Variants in SGCZ observed in about 807,000 individuals in gnomAD.
The protein encoded by SGCZ is sarcoglycan zeta.
A neutral mutation model predicts 41.3 loss-of-function variants in SGCZ; 40 were observed. The ratio of observed to expected loss-of-function variants is 0.97; its 90% confidence interval spans 0.75 to 1.26. The LOEUF is 1.26. SGCZ is among the 50% of genes most tolerant of loss of function. SGCZ has a pLI of 0.00. For synonymous variants in SGCZ, 206 were observed against 137.5 expected (o/e 1.50, Z -3.49); for missense variants, 552 against 369.8 (o/e 1.49, Z -4.04).
At chr8:14,776,363 T>A (rs998820572) in intron 1 of SGCZ, among the ~76,000 whole-genome samples, 2 of 151,996 alleles carry the variant, frequency 1.3e-5, no homozygotes, top group Non-Finnish European at 2.9e-5. Context: ...CTGCACACAC[T>A]CTCTTGCCTG....
intron 1 of SGCZ, among the ~76,000 whole-genome samples, chr8:15,097,864 G>GTA (rs1218649910): frequency 0.3 from 11,005 of 36,438 alleles, 964 homozygotes; most frequent in Middle Eastern, 0.46. Context: ...ATACGTGTGT[G>GTA]TGTATATATA....
intron 1 of SGCZ, among the ~76,000 whole-genome samples, chr8:14,704,680 A>G (rs1251566796): frequency 6.6e-6 from 1 of 151,968 alleles, no homozygotes; most frequent in Non-Finnish European, 1.5e-5. Flanking sequence ...GGTGTAACCC[A>G]GCTGCATATA....
At chr8:14,815,528 C>T (rs1248674963) in intron 1 of SGCZ, among the ~76,000 whole-genome samples, 1 of 152,082 alleles carries the variant, frequency 6.6e-6, no homozygotes, top group African/African-American at 2.4e-5. Context: ...GAATAAATCA[C>T]TATGAATTCT....
intron 1 of SGCZ, among the ~76,000 whole-genome samples, chr8:14,669,295 A>G (rs7835796): frequency 0.54 from 82,389 of 151,348 alleles, 23,948 homozygotes; most frequent in East Asian, 0.74. Flanking sequence ...GGAGGCCTAG[A>G]TCTCAGTGAG....
chr8:15,006,808 C>T (rs769793321), intron 1 of SGCZ, among the ~76,000 whole-genome samples: 4 of 152,040 alleles, frequency 2.6e-5, no homozygotes, highest in Non-Finnish European at 5.9e-5. Flanking sequence ...AACCTGCATT[C>T]GACAAGATTA....
intron 4 of SGCZ, among the ~76,000 whole-genome samples, chr8:14,170,275 G>C (rs566655084): frequency 2.0e-4 from 31 of 152,124 alleles, no homozygotes; most frequent in Middle Eastern, 3.4e-3. Flanking sequence ...TGTGAGGAAA[G>C]GTACAAAAAC....
chr8:14,140,890 C>G (rs774475728), intron 5 of SGCZ, among the ~76,000 whole-genome samples: 9 of 152,170 alleles, frequency 5.9e-5, no homozygotes, highest in Non-Finnish European at 1.0e-4. Flanking sequence ...AAGAACAACA[C>G]TGGAGGCATA....
intron 2 of SGCZ, among the ~76,000 whole-genome samples, chr8:14,500,368 G>T (rs771359745): frequency 7.3e-5 from 11 of 151,706 alleles, no homozygotes; most frequent in Non-Finnish European, 1.5e-5. Flanking sequence ...GATGGAAGCA[G>T]AGCAAATAAG....
chr8:14,272,475 A>C (rs1266934413), intron 3 of SGCZ, among the ~76,000 whole-genome samples: 1 of 152,164 alleles, frequency 6.6e-6, no homozygotes, highest in African/African-American at 2.4e-5. Context: ...TAGCACTTGG[A>C]AATTTTTGTG....
intron 1 of SGCZ, among the ~76,000 whole-genome samples, chr8:14,797,225 T>G (rs752022789): frequency 6.6e-6 from 1 of 151,996 alleles, no homozygotes; most frequent in Non-Finnish European, 1.5e-5. Flanking sequence ...CCTGGAGACT[T>G]GGAGGGCTCA....
intron 1 of SGCZ, among the ~76,000 whole-genome samples, chr8:15,221,334 G>A (rs1446137076): frequency 6.6e-6 from 1 of 152,034 alleles, no homozygotes; most frequent in African/African-American, 2.4e-5. Flanking sequence ...GGTTGAAGAG[G>A]GCTAATGAGT....
At chr8:14,555,113 T>G (rs1341665869) in intron 1 of SGCZ, among the ~76,000 whole-genome samples, 187 bp from the exon 2 acceptor site, 2 of 151,968 alleles carry the variant, frequency 1.3e-5, no homozygotes, top group South Asian at 2.1e-4. Flanking sequence ...TTCAATATAG[T>G]TTTTTAGAGA....
In SGCZ at chr8:14,237,648, T is replaced by C; in HGVS notation, c.368A>G (p.Asn123Ser). 18 of 1,614,000 alleles carry C rather than the reference T, an allele frequency of 1.1e-5. No individual in the cohort carries two copies. Among genetic ancestry groups the C allele is most frequent in the Non-Finnish European group, 1.5e-5 (18 of 1,179,888 alleles). The change falls in exon 4 of 8, where the codon AAT becomes AGT. Residue 123 changes from asparagine to serine, a missense_variant. By Grantham distance (46) the Asn-to-Ser change is conservative. Coordinates refer to ENST00000382080, the MANE Select transcript of SGCZ (RefSeq NM_139167.4). ...GTGATTTCTTGCATTCACTGTGACA[T>C]TCCTGTCAGACTGTAAGACCAGCGG... ...DSPLVLQSDRNVTVNARNHMG... is the reference protein window; with the variant it reads ...DSPLVLQSDRSVTVNARNHMG...
chr8:14,351,787 T>A (rs1803106828), intron 2 of SGCZ, among the ~76,000 whole-genome samples: 1 of 152,226 alleles, frequency 6.6e-6, no homozygotes, highest in Non-Finnish European at 1.5e-5. Flanking sequence ...ATGTCTTAAC[T>A]ATTTGGCAAA....
At chr8:14,408,100 C>T (rs936691256) in intron 2 of SGCZ, among the ~76,000 whole-genome samples, 3 of 152,064 alleles carry the variant, frequency 2.0e-5, no homozygotes, top group African/African-American at 7.2e-5. Context: ...CTCTAACTAC[C>T]TCTTTTACTT....
chr8:14,369,717 C>T (rs1313698572), intron 2 of SGCZ, among the ~76,000 whole-genome samples: 2 of 151,784 alleles, frequency 1.3e-5, no homozygotes, highest in African/African-American at 4.8e-5. Flanking sequence ...ATTTTTCTAA[C>T]ACCATTTTTT....
At chr8:14,874,903 A>G (rs1003013418) in intron 1 of SGCZ, among the ~76,000 whole-genome samples, 1 of 152,188 alleles carries the variant, frequency 6.6e-6, no homozygotes, top group African/African-American at 2.4e-5. Flanking sequence ...ATAAGTAACT[A>G]AAGTCCCAAG....
chr8:14,187,286 T>C (rs13251919), intron 4 of SGCZ, among the ~76,000 whole-genome samples: 1 of 152,008 alleles, frequency 6.6e-6, no homozygotes, highest in African/African-American at 2.4e-5. Context: ...AATTTTCCAA[T>C]GTTCAACAAA....
At chr8:14,263,302 A>G (rs1164275415) in intron 3 of SGCZ, among the ~76,000 whole-genome samples, 1 of 152,174 alleles carries the variant, frequency 6.6e-6, no homozygotes, top group Admixed American at 6.5e-5. Context: ...TAATCCCAGC[A>G]CTTTGGGAGG....
Sources: gnomAD v4.1 joint callset for allele counts (sites outside exome capture counted in the v4.1 genomes callset) on GRCh38, gnomAD v4.1.1 for gene constraint, MANE v1.5 for transcripts, NCBI Gene and HGNC (gene_info 2026-07-23, HGNC 2026-07-21) for gene names.